DOCK2: variants seen among roughly 807,000 people sequenced by gnomAD.
DOCK2 encodes the protein dedicator of cytokinesis 2, also known as dedicator of cytokinesis protein 2.
A neutral mutation model predicts 248.9 loss-of-function variants in DOCK2; 87 were observed. That is an observed-to-expected ratio of 0.35 (90% CI 0.29 to 0.42). The LOEUF is 0.42. DOCK2 is among the 10% of genes least tolerant of loss of function. The pLI is 1.00. For missense variants in DOCK2, 1,747 were observed against 2,300.2 expected, an observed-to-expected ratio of 0.76 and a Z score of 4.92; for synonymous variants, 805 against 821.6, an observed-to-expected ratio of 0.98 and a Z score of 0.35.
At chr5:169,952,184 T>C (rs1474738120) in intron 27 of DOCK2, among the ~76,000 whole-genome samples, 1 of 152,214 alleles carries the variant, frequency 6.6e-6, no homozygotes, top group African/African-American at 2.4e-5. Context: ...AAATCTCTCA[T>C]CTTTGCAAAT....
At chr5:169,716,144 G>A in intron 19 of DOCK2, 69 bp from the exon 20 acceptor site, 1 of 1,335,152 alleles carries the variant, frequency 7.5e-7, no homozygotes, top group Non-Finnish European at 1.1e-6. Context: ...ATAGTTAGGA[G>A]TGGGATTGCT....
intron 27 of DOCK2, among the ~76,000 whole-genome samples, chr5:169,946,782 A>G (rs1048891455): frequency 6.6e-6 from 1 of 152,222 alleles, no homozygotes; most frequent in Non-Finnish European, 1.5e-5. Flanking sequence ...CCTGTCATTG[A>G]GAGTGACGTG....
At chr5:169,907,420 C>T (rs576261533) in intron 27 of DOCK2, among the ~76,000 whole-genome samples, 50 of 152,280 alleles carry the variant, frequency 3.3e-4, no homozygotes, top group Non-Finnish European at 3.4e-4. Context: ...GTTTAAGTGG[C>T]TGATAATTGG....
At chr5:170,024,832 C>A (rs970941545) in intron 33 of DOCK2, among the ~76,000 whole-genome samples, 2 of 152,128 alleles carry the variant, frequency 1.3e-5, no homozygotes, top group African/African-American at 4.8e-5. Context: ...CTCCAGCTCA[C>A]CCCAAGGGCT....
intron 2 of DOCK2, among the ~76,000 whole-genome samples, chr5:169,665,489 T>G (rs981428635): frequency 1.3e-5 from 2 of 151,936 alleles, no homozygotes; most frequent in South Asian, 2.1e-4. Flanking sequence ...CACATATGTA[T>G]GTGCTTGCTT....
At position 169,714,111 on chromosome 5, in the gene DOCK2, G is replaced by T; in HGVS notation, c.1743G>T (p.Thr581=). 6.2e-7 allele frequency: 1 copy of T among 1,613,780 alleles called. No individual in the cohort carries two copies. The highest frequency in any genetic ancestry group is 8.5e-7 in the Non-Finnish European group (1 of 1,179,806). ...YRHHVENKGA[T]LSRSSSSVGG... ...ACCATGTGGAAAACAAGGGGGCCAC[G>T]CTGAGCAGGAGCTCCAGCAGTGTTG... The change falls in exon 18 of 52, where the codon ACG becomes ACT. Residue 581 remains threonine, a synonymous_variant. Coordinates refer to ENST00000520908, the MANE Select transcript of DOCK2 (RefSeq NM_004946.3).
At chr5:169,864,807 T>C (rs555043354) in intron 27 of DOCK2, among the ~76,000 whole-genome samples, 1 of 152,250 alleles carries the variant, frequency 6.6e-6, no homozygotes, top group East Asian at 1.9e-4. Context: ...TATTAAAAAA[T>C]TGAGATAATG....
At chr5:170,021,304 G>A (rs1056340223) in intron 33 of DOCK2, among the ~76,000 whole-genome samples, 4 of 152,218 alleles carry the variant, frequency 2.6e-5, no homozygotes, top group African/African-American at 9.6e-5. Flanking sequence ...TTGGGACCAC[G>A]TAAAGGGCAC....
intron 25 of DOCK2, among the ~76,000 whole-genome samples, chr5:169,789,151 G>C (rs560628086): frequency 6.6e-6 from 1 of 152,304 alleles, no homozygotes; most frequent in South Asian, 2.1e-4. Context: ...CTCCATCCAT[G>C]TCCCTGTCTC....
At chr5:170,049,029 A>T (rs190992328) in intron 40 of DOCK2, among the ~76,000 whole-genome samples, 26 of 152,310 alleles carry the variant, frequency 1.7e-4, no homozygotes, top group Admixed American at 1.6e-3. Flanking sequence ...TGCAGGTTTC[A>T]TGGAGGAAGT....
rs144033605 is a variant in DOCK2 at position 169,942,686 on chromosome 5, G to A, written c.2800-40382G>A. On this transcript the variant is annotated intron_variant, in intron 27 of 51. Coordinates refer to ENST00000520908, the MANE Select transcript of DOCK2 (RefSeq NM_004946.3). ...GGAGTTGGCCTTGGCCCTGCAAGCA[G>A]TACAGAGAAATAGAGGACACAGCTC... Among the ~76,000 whole-genome samples the A allele has an allele frequency of 3.5e-3, 531 of 152,310 alleles. 5 individuals are homozygous for A. The South Asian group carries it at 0.043, about 12-fold the overall frequency.
intron 1 of DOCK2, among the ~76,000 whole-genome samples, chr5:169,647,504 G>A (rs899822588): frequency 6.6e-6 from 1 of 152,022 alleles, no homozygotes; most frequent in Non-Finnish European, 1.5e-5. Context: ...GTCAGGAGGC[G>A]AGGTCCTGTG....
intron 27 of DOCK2, among the ~76,000 whole-genome samples, chr5:169,974,598 G>T (rs1777647007): frequency 6.6e-6 from 1 of 152,152 alleles, no homozygotes; most frequent in Non-Finnish European, 1.5e-5. Flanking sequence ...GCACATGTTT[G>T]CAGGAAAGAG....
chr5:170,054,935 C>T (rs1757066923), intron 41 of DOCK2, among the ~76,000 whole-genome samples: 1 of 152,166 alleles, frequency 6.6e-6, no homozygotes, highest in African/African-American at 2.4e-5. Context: ...AATAAGGCAA[C>T]TCAGTGGAAT....
At chr5:170,059,624 C>G (rs142973756) in intron 44 of DOCK2, among the ~76,000 whole-genome samples, 1 of 152,304 alleles carries the variant, frequency 6.6e-6, no homozygotes, top group Admixed American at 6.5e-5. Context: ...ATAAGCTCCA[C>G]TAGAATATAA....
intron 27 of DOCK2, among the ~76,000 whole-genome samples, chr5:169,880,896 C>T (rs1772602107): frequency 6.6e-6 from 1 of 152,164 alleles, no homozygotes; most frequent in Non-Finnish European, 1.5e-5. Flanking sequence ...ACATAAAGTT[C>T]TTATCATGGT....
intron 22 of DOCK2, among the ~76,000 whole-genome samples, chr5:169,726,726 A>G (rs1019438225): frequency 2.6e-5 from 4 of 152,198 alleles, no homozygotes; most frequent in African/African-American, 9.7e-5. Flanking sequence ...TTGGCAATGT[A>G]GTGGACAAGA....
At chr5:169,827,008 G>A (rs762144751) in intron 26 of DOCK2, among the ~76,000 whole-genome samples, 10 of 146,366 alleles carry the variant, frequency 6.8e-5, no homozygotes, top group Admixed American at 2.0e-4. Context: ...AGGACAGAGC[G>A]TGGCACGTAG....
At chr5:169,892,645 C>T (rs1773363516) in intron 27 of DOCK2, among the ~76,000 whole-genome samples, 1 of 152,232 alleles carries the variant, frequency 6.6e-6, no homozygotes, top group African/African-American at 2.4e-5. Flanking sequence ...TTGTCACAGA[C>T]ACCCAGGGAG....
Sources: allele counts gnomAD v4.1 joint callset (sites outside exome capture counted in the v4.1 genomes callset), GRCh38; gene constraint gnomAD v4.1.1; transcripts MANE v1.5; gene names NCBI Gene and HGNC (gene_info 2026-07-23, HGNC 2026-07-21).